Variants in CCNI observed in about 807,000 individuals in gnomAD.
CCNI encodes cyclin-I.
In CCNI, 14 loss-of-function variants were observed where a neutral mutation model predicts 34.1. That is an observed-to-expected ratio of 0.41 (90% CI 0.27 to 0.64). The LOEUF is 0.64. Ranked by LOEUF, CCNI falls within the 30% of genes least tolerant of loss-of-function variation. The probability of loss-of-function intolerance (pLI) is 0.31; values close to 1 mark genes in which losing one functional copy is unlikely to be tolerated. For synonymous variants in CCNI, 154 were observed against 158.4 expected (o/e 0.97, Z 0.21); for missense variants, 385 against 440.5 (o/e 0.87, Z 1.13).
chr4:77,074,153 AAC>A (rs4252777), intron 1 of CCNI, among the ~76,000 whole-genome samples: 316 of 152,326 alleles, frequency 2.1e-3, no homozygotes, highest in African/African-American at 7.0e-3. Flanking sequence ...AATCTTGACC[AAC>A]ACACATGCTA....
intron 3 of CCNI, among the ~76,000 whole-genome samples, chr4:77,057,687 T>A (rs989146435): frequency 3.3e-5 from 5 of 152,200 alleles, no homozygotes; most frequent in African/African-American, 1.2e-4. Context: ...ATGGGGACAA[T>A]ATAAAACCTA....
intron 1 of CCNI, 57 bp downstream of exon 1, chr4:77,075,415 G>T (rs1245773220): frequency 1.3e-6 from 1 of 745,986 alleles, no homozygotes; most frequent in Non-Finnish European, 1.6e-6. Flanking sequence ...GGGCCCCAGC[G>T]CGTCGACGCC....
At chr4:77,052,236 T>C (rs1288643906) in intron 6 of CCNI, among the ~76,000 whole-genome samples, 3 of 152,068 alleles carry the variant, frequency 2.0e-5, no homozygotes, top group Non-Finnish European at 4.4e-5. Flanking sequence ...GTTCCTGCGT[T>C]AATTCACTCA....
At chr4:77,060,609 C>A (rs1219708637) in intron 2 of CCNI, among the ~76,000 whole-genome samples, 1 of 150,872 alleles carries the variant, frequency 6.6e-6, no homozygotes, top group East Asian at 2.0e-4. Context: ...GAGGTACGTG[C>A]CACCAGGCCC....
chr4:77,052,092 C>A (rs1450445883), intron 6 of CCNI, among the ~76,000 whole-genome samples: 4 of 151,934 alleles, frequency 2.6e-5, no homozygotes, highest in Non-Finnish European at 5.9e-5. Flanking sequence ...CAGTACCCAA[C>A]AGTTTTTCAA....
Position 77,048,008 on chromosome 4 carries a change from T to G in CCNI, c.*211A>C. 2 of 412,776 alleles carry G rather than the reference T, an allele frequency of 4.8e-6. No homozygotes were observed. Among genetic ancestry groups the G allele is most frequent in the Non-Finnish European group, 8.4e-6 (2 of 236,708 alleles). 25.6% of individuals were successfully genotyped at this position (412,776 alleles called of 1,614,324 possible). A position where few individuals can be genotyped will look rare whatever the true frequency, so the allele number is the denominator to read the frequency against. Reference sequence around the variant, plus strand: ...TTAAAAAAAGTTTGGATCTTTTGGATTTCTTTTTTTTTTTTTTGGTCTTTA... The same window carrying G: ...TTAAAAAAAGTTTGGATCTTTTGGAGTTCTTTTTTTTTTTTTTGGTCTTTA... On this transcript the variant is annotated 3_prime_UTR_variant, in exon 7 of 7. Coordinates refer to ENST00000237654, the MANE Select transcript of CCNI (RefSeq NM_006835.3).
chr4:77,060,970 G>A (rs1728563351), intron 2 of CCNI, among the ~76,000 whole-genome samples: 1 of 151,870 alleles, frequency 6.6e-6, no homozygotes, highest in Non-Finnish European at 1.5e-5. Flanking sequence ...TGTTACCCAG[G>A]CTGGTCTTCA....
At chr4:77,055,588 T>C (rs1728166960) in intron 5 of CCNI, among the ~76,000 whole-genome samples, 1 of 151,742 alleles carries the variant, frequency 6.6e-6, no homozygotes, top group Admixed American at 6.6e-5. Context: ...TGCCTCAGCA[T>C]CCTGAGTAGC....
At position 77,059,456 on chromosome 4, in the gene CCNI, A is replaced by G. The variant is rs117425864; in HGVS notation, c.115-821T>C. 1.9e-3 allele frequency among the ~76,000 whole-genome samples: 291 copies of G among 151,686 alleles called. 3 individuals carry two copies. The East Asian group carries it at 0.023, about 12-fold the overall frequency. ...GAGCTGTAAGGAGAATACTCAAATAATATGTAGGAAGATTAAAACAACAAT... is the reference window on the plus strand; with the variant it reads ...GAGCTGTAAGGAGAATACTCAAATAGTATGTAGGAAGATTAAAACAACAAT... On this transcript the variant is annotated intron_variant, in intron 2 of 6. Coordinates refer to ENST00000237654, the MANE Select transcript of CCNI (RefSeq NM_006835.3).
chr4:77,069,169 C>A (rs983806751), intron 1 of CCNI, among the ~76,000 whole-genome samples: 1 of 152,194 alleles, frequency 6.6e-6, no homozygotes, highest in Non-Finnish European at 1.5e-5. Flanking sequence ...GTAATCCTTG[C>A]ACTTTCGAAG....
At chr4:77,066,559 A>C (rs1729052602) in intron 1 of CCNI, among the ~76,000 whole-genome samples, 154 bp from the exon 2 acceptor site, 1 of 152,250 alleles carries the variant, frequency 6.6e-6, no homozygotes, top group South Asian at 2.1e-4. Flanking sequence ...TACCAAAATA[A>C]TCAGTTATCT....
Position 77,053,812 on chromosome 4 carries a change from C to CA in CCNI, c.690+1337dup, listed in dbSNP as rs1728032378. On this transcript the variant is annotated intron_variant, in intron 6 of 6. Coordinates refer to ENST00000237654, the MANE Select transcript of CCNI (RefSeq NM_006835.3). ...TTTCTTTCTAACACTCCAGGGTGAG[C>CA]AAAGTAAATTTTCTGTGTCATATTA... is the stretch of plus-strand genomic sequence containing the variant. Among the ~76,000 whole-genome samples the CA allele has an allele frequency of 2.0e-5, 3 of 152,110 alleles. No homozygotes were observed. In the South Asian group the frequency reaches 6.2e-4, roughly 31 times the overall value.
chr4:77,048,186 T>G lies in CCNI; in HGVS notation c.*33A>C, dbSNP rs780910803. ...GTTCTCATTCCCAAAGTAGTCTACC[T>G]TAGTTTACACTCAAAGGTAGCACTT... On this transcript the variant is annotated 3_prime_UTR_variant, in exon 7 of 7. Transcript: ENST00000237654. 7 of 1,557,592 alleles carry G rather than the reference T, an allele frequency of 4.5e-6. No homozygotes were observed. The highest frequency in any genetic ancestry group is 6.1e-6 in the Non-Finnish European group (7 of 1,138,570).
At chr4:77,050,665 C>A (rs1727762940) in intron 6 of CCNI, among the ~76,000 whole-genome samples, 1 of 152,000 alleles carries the variant, frequency 6.6e-6, no homozygotes, top group African/African-American at 2.4e-5. Context: ...TTCTCCCTCC[C>A]TTAAAAGAAA....
At position 77,048,093 on chromosome 4, in the gene CCNI, T is replaced by C. The variant is rs2110001439; in HGVS notation, c.*126A>G. The C allele has an allele frequency of 1.6e-6, 1 of 608,478 alleles. No individual in the cohort carries two copies. 37.7% of individuals were successfully genotyped at this position (608,478 alleles called of 1,614,324 possible). On this transcript the variant is annotated 3_prime_UTR_variant, in exon 7 of 7. Coordinates refer to ENST00000237654, the MANE Select transcript of CCNI (RefSeq NM_006835.3). ...ACAAATAATGAGAGTTTTATTTTTT[T>C]TTTCTGGCTCACTCCAAATCAGCCT... is the stretch of plus-strand genomic sequence containing the variant.
intron 6 of CCNI, among the ~76,000 whole-genome samples, chr4:77,051,885 C>T (rs1727866289): frequency 6.6e-6 from 1 of 151,494 alleles, no homozygotes; most frequent in African/African-American, 2.4e-5. Context: ...GAGGAACCTG[C>T]TGGAATAGTC....
chr4:77,055,918 C>A, intron 5 of CCNI, 44 bp downstream of exon 5: 1 of 1,489,136 alleles, frequency 6.7e-7, no homozygotes. Context: ...TTACTGAAAA[C>A]TACACACTCA....
chr4:77,066,872 C>A (rs1389490978), intron 1 of CCNI, among the ~76,000 whole-genome samples: 2 of 152,218 alleles, frequency 1.3e-5, no homozygotes, highest in African/African-American at 4.8e-5. Flanking sequence ...ATGAAATCAT[C>A]TTAAATTGCG....
intron 1 of CCNI, among the ~76,000 whole-genome samples, chr4:77,073,241 T>G (rs1308985524): frequency 6.6e-6 from 1 of 152,222 alleles, no homozygotes; most frequent in Non-Finnish European, 1.5e-5. Context: ...TCTCAATTGC[T>G]GCCGCTTCTC....
Sources: gnomAD v4.1 joint callset for allele counts (sites outside exome capture counted in the v4.1 genomes callset) on GRCh38, gnomAD v4.1.1 for gene constraint, MANE v1.5 for transcripts, NCBI Gene and HGNC (gene_info 2026-07-23, HGNC 2026-07-21) for gene names.